LRP1B: variants seen among roughly 807,000 people sequenced by gnomAD.
LRP1B encodes LDL receptor related protein 1B.
LRP1B carries 217 observed loss-of-function variants against 556.6 expected under a neutral mutation model. That is an observed-to-expected ratio of 0.39 (90% CI 0.35 to 0.44). LRP1B has a LOEUF of 0.44. Among genes scored for constraint, LRP1B ranks in the 20% least tolerant of loss-of-function variants. The pLI is 1.00. For missense variants in LRP1B, 5,053 were observed against 5,620.8 expected (o/e 0.90, Z 3.23); for synonymous variants, 2,047 against 1,865.8 (o/e 1.10, Z -2.50).
chr2:141,160,143 A>G lies in LRP1B; in HGVS notation c.1013+28278T>C, dbSNP rs555635082. On this transcript the variant is annotated intron_variant, in intron 7 of 90. Transcript: ENST00000389484. ...AAGAAATAAAGAATTTTAAAAATACATGGCAATATAAGCACATGAGGTTTA... is the reference window on the plus strand; with the variant it reads ...AAGAAATAAAGAATTTTAAAAATACGTGGCAATATAAGCACATGAGGTTTA... Among the ~76,000 whole-genome samples the G allele has an allele frequency of 5.1e-4, 78 of 152,298 alleles. 1 individual carries two copies. Among genetic ancestry groups the G allele is most frequent in the Non-Finnish European group, 1.0e-3 (69 of 68,028 alleles).
rs529493647 is a variant in LRP1B, at chr2:141,725,634, A to G, written c.205+84645T>C. Among the ~76,000 whole-genome samples, 9 of 152,032 alleles carry G rather than the reference A, an allele frequency of 5.9e-5. No homozygotes were observed. The South Asian group carries it at 1.9e-3, about 32-fold the overall frequency. ...ATATAGGAATACATAAATAAATTAA[A>G]ATTTTAAAAAGAATACAAGTAGTCT... On this transcript the variant is annotated intron_variant, in intron 2 of 90. Transcript: ENST00000389484.
chr2:141,616,143 G>T (rs1477707532), intron 2 of LRP1B, among the ~76,000 whole-genome samples: 1 of 152,050 alleles, frequency 6.6e-6, no homozygotes, highest in African/African-American at 2.4e-5. Context: ...TTAGCTGGGT[G>T]TGGTGGCGTG....
chr2:141,283,866 G>A (rs976883154), intron 3 of LRP1B, among the ~76,000 whole-genome samples: 2 of 151,736 alleles, frequency 1.3e-5, no homozygotes, highest in Non-Finnish European at 2.9e-5. Context: ...AAAAAGGAAG[G>A]GAATAATATA....
At chr2:140,889,877 C>G (rs1384407060) in intron 23 of LRP1B, among the ~76,000 whole-genome samples, 2 of 152,084 alleles carry the variant, frequency 1.3e-5, no homozygotes, top group African/African-American at 4.8e-5. Context: ...CTATAATAGA[C>G]TTGAACACGT....
intron 43 of LRP1B, among the ~76,000 whole-genome samples, chr2:140,578,110 A>G (rs536987285): frequency 5.4e-4 from 82 of 152,346 alleles, no homozygotes; most frequent in South Asian, 8.3e-4. Flanking sequence ...AAAATTACCA[A>G]TGAGCATAAT....
At chr2:140,653,633 T>C (rs1684766609) in intron 41 of LRP1B, among the ~76,000 whole-genome samples, 1 of 152,098 alleles carries the variant, frequency 6.6e-6, no homozygotes. Flanking sequence ...CCTAAGATAA[T>C]ATATGTGACC....
chr2:142,071,013 T>C (rs944054732), intron 1 of LRP1B, among the ~76,000 whole-genome samples: 4 of 151,890 alleles, frequency 2.6e-5, no homozygotes, highest in African/African-American at 7.2e-5. Flanking sequence ...GCGAAGTTAA[T>C]GAACTGGATA....
At chr2:140,901,430 C>T (rs1694101620) in intron 23 of LRP1B, among the ~76,000 whole-genome samples, 3 of 151,694 alleles carry the variant, frequency 2.0e-5, no homozygotes, top group Admixed American at 2.0e-4. Context: ...TTCTTTTACC[C>T]CCTGTGCCAA....
chr2:140,252,099 C>CAAAAAAAAAAA (rs768188298), intron 86 of LRP1B, among the ~76,000 whole-genome samples: 1 of 53,766 alleles, frequency 1.9e-5, no homozygotes, highest in Non-Finnish European at 3.5e-5. Context: ...ACCCAAAAAA[C>CAAAAAAAAAAA]AAAAAAAAAC....
In LRP1B at chr2:142,125,276, T is replaced by C. The variant is rs1707601902; in HGVS notation, c.82+5372A>G. ...TTGGAAGATGTAAGCTTACTTGTTG[T>C]GCTGAATGGCAGAATCTCCTGAATC... is the stretch of plus-strand genomic sequence containing the variant. On this transcript the variant is annotated intron_variant, in intron 1 of 90. Coordinates refer to ENST00000389484, the MANE Select transcript of LRP1B (RefSeq NM_018557.3). Among the ~76,000 whole-genome samples the C allele has an allele frequency of 2.0e-5, 3 of 151,872 alleles. 1 individual carries two copies. In the South Asian group the frequency reaches 6.2e-4, roughly 31 times the overall value.
intron 3 of LRP1B, among the ~76,000 whole-genome samples, chr2:141,446,260 T>A (rs928710309): frequency 6.6e-6 from 1 of 152,176 alleles, no homozygotes; most frequent in Non-Finnish European, 1.5e-5. Context: ...TTTGATTTGT[T>A]TGGTAAATAT....
chr2:141,880,233 G>A (rs1459933684), intron 1 of LRP1B, among the ~76,000 whole-genome samples: 2 of 151,888 alleles, frequency 1.3e-5, no homozygotes, highest in Non-Finnish European at 2.9e-5. Context: ...GAACTTGTCT[G>A]TCTTAGTCAT....
chr2:141,660,162 G>T (rs922601855), intron 2 of LRP1B, among the ~76,000 whole-genome samples: 1 of 152,038 alleles, frequency 6.6e-6, no homozygotes, highest in African/African-American at 2.4e-5. Flanking sequence ...CTAAGTGGTT[G>T]GCGTGACCCA....
chr2:140,318,792 A>T (rs1362856488), intron 82 of LRP1B, among the ~76,000 whole-genome samples: 1 of 152,136 alleles, frequency 6.6e-6, no homozygotes, highest in Non-Finnish European at 1.5e-5. Context: ...TGAGCTTCTA[A>T]TGCTTCCATT....
At chr2:141,803,666 G>T (rs1696083959) in intron 2 of LRP1B, among the ~76,000 whole-genome samples, 1 of 151,910 alleles carries the variant, frequency 6.6e-6, no homozygotes. Context: ...TAGAAACACG[G>T]ACCATACTTC....
At chr2:141,295,329 C>G (rs949060038) in intron 3 of LRP1B, among the ~76,000 whole-genome samples, 5 of 151,968 alleles carry the variant, frequency 3.3e-5, no homozygotes, top group Non-Finnish European at 7.4e-5. Context: ...AAAAGAGATA[C>G]TTTTGTTTTC....
intron 52 of LRP1B, 21 bp from the exon 53 acceptor site, chr2:140,506,939 A>T: frequency 2.5e-6 from 4 of 1,612,312 alleles, no homozygotes; most frequent in Non-Finnish European, 3.4e-6. Context: ...CATCACAAAA[A>T]ATAAAGTTAG....
chr2:141,883,092 G>A (rs779680938), intron 1 of LRP1B, among the ~76,000 whole-genome samples: 1 of 152,108 alleles, frequency 6.6e-6, no homozygotes, highest in Non-Finnish European at 1.5e-5. Context: ...GGGCCAAATA[G>A]ACAGTGACAT....
intron 85 of LRP1B, among the ~76,000 whole-genome samples, chr2:140,272,658 T>C (rs1351212906): frequency 1.3e-5 from 2 of 151,994 alleles, no homozygotes; most frequent in Non-Finnish European, 2.9e-5. Flanking sequence ...TCTTTACCTA[T>C]AAAACAGAAA....
Sources: gnomAD v4.1 joint callset for allele counts (sites outside exome capture counted in the v4.1 genomes callset) on GRCh38, gnomAD v4.1.1 for gene constraint, MANE v1.5 for transcripts, NCBI Gene and HGNC (gene_info 2026-07-23, HGNC 2026-07-21) for gene names.